The following CNTNAP2 variants were observed in gnomAD, a reference collection of about 807,000 sequenced individuals.
CNTNAP2 encodes contactin associated protein 2.
A neutral mutation model predicts 155.2 loss-of-function variants in CNTNAP2; 98 were observed. The observed-to-expected ratio is 0.63, with a 90% confidence interval of 0.54 to 0.75. The LOEUF (loss-of-function observed/expected upper bound fraction) is 0.75, where lower values mean the gene tolerates loss of function less well. Among genes scored for constraint, CNTNAP2 ranks in the 30% least tolerant of loss-of-function variants. CNTNAP2 has a pLI of 0.00. For synonymous variants in CNTNAP2, 651 were observed against 631.2 expected (o/e 1.03, Z -0.47); for missense variants, 1,727 against 1,688.1 (o/e 1.02, Z -0.40).
chr7:148,134,658 T>C (rs556649863), intron 16 of CNTNAP2, among the ~76,000 whole-genome samples: 78 of 152,304 alleles, frequency 5.1e-4, no homozygotes, highest in African/African-American at 1.7e-3. Flanking sequence ...AATAATATCT[T>C]ATTTTGATAA....
At chr7:147,426,759 T>G (rs905724018) in intron 10 of CNTNAP2, among the ~76,000 whole-genome samples, 3 of 152,178 alleles carry the variant, frequency 2.0e-5, no homozygotes, top group Non-Finnish European at 4.4e-5. Context: ...TTTACCACTA[T>G]GTCTTCAGTG....
chr7:147,272,168 C>G (rs572516332), intron 8 of CNTNAP2, among the ~76,000 whole-genome samples: 2 of 152,278 alleles, frequency 1.3e-5, no homozygotes, highest in African/African-American at 2.4e-5. Context: ...GCTAGAATTA[C>G]AGGCATAGCC....
intron 4 of CNTNAP2, among the ~76,000 whole-genome samples, chr7:147,092,339 A>G (rs571969524): frequency 4.0e-4 from 61 of 152,336 alleles, no homozygotes; most frequent in African/African-American, 1.4e-3. Context: ...GAATTCTGCA[A>G]CTTTGCAATA....
At chr7:147,216,121 C>T (rs1803263376) in intron 8 of CNTNAP2, among the ~76,000 whole-genome samples, 1 of 145,180 alleles carries the variant, frequency 6.9e-6, no homozygotes, top group Non-Finnish European at 1.5e-5. Context: ...GTATTAGTTC[C>T]CAGTCTGTGT....
chr7:147,913,420 G>T (rs576834787), intron 14 of CNTNAP2, among the ~76,000 whole-genome samples: 15 of 152,042 alleles, frequency 9.9e-5, no homozygotes, highest in Non-Finnish European at 2.2e-4. Flanking sequence ...GACAACACTG[G>T]AAATCACTTT....
intron 1 of CNTNAP2, among the ~76,000 whole-genome samples, chr7:146,218,326 G>A (rs1300050749): frequency 1.3e-5 from 2 of 152,070 alleles, no homozygotes; most frequent in African/African-American, 4.8e-5. Context: ...TGGCTAACAC[G>A]GTGAAACCCC....
At chr7:146,474,033 T>C (rs150068550) in intron 1 of CNTNAP2, among the ~76,000 whole-genome samples, 107 of 152,236 alleles carry the variant, frequency 7.0e-4, no homozygotes, top group African/African-American at 2.2e-3. Flanking sequence ...AGTTGGCTAG[T>C]AAAACCCTCT....
intron 8 of CNTNAP2, among the ~76,000 whole-genome samples, chr7:147,166,637 G>A (rs903810565): frequency 5.3e-5 from 8 of 152,104 alleles, no homozygotes; most frequent in African/African-American, 1.9e-4. Flanking sequence ...GGGTGCAGGC[G>A]GGCTGAGTCT....
chr7:146,605,719 T>TA (rs1374758265), intron 1 of CNTNAP2, among the ~76,000 whole-genome samples: 1 of 152,204 alleles, frequency 6.6e-6, no homozygotes, highest in African/African-American at 2.4e-5. Flanking sequence ...GTGGTAGATG[T>TA]AACACATTTT....
intron 1 of CNTNAP2, among the ~76,000 whole-genome samples, chr7:146,296,419 T>C (rs576837161): frequency 2.6e-5 from 4 of 152,266 alleles, no homozygotes; most frequent in Admixed American, 2.6e-4. Context: ...ACCCCTTTCT[T>C]TGCTGCAAAC....
intron 1 of CNTNAP2, among the ~76,000 whole-genome samples, chr7:146,172,942 A>T (rs1392422858): frequency 6.6e-6 from 1 of 152,188 alleles, no homozygotes; most frequent in African/African-American, 2.4e-5. Context: ...GAAGTACTAA[A>T]GCCTGCTTAG....
intron 13 of CNTNAP2, among the ~76,000 whole-genome samples, chr7:147,746,901 C>T (rs1563075005): frequency 6.6e-6 from 1 of 152,092 alleles, no homozygotes; most frequent in Non-Finnish European, 1.5e-5. Context: ...TTAATGATGC[C>T]TTGGGCTTTA....
At position 148,174,573 on chromosome 7, in the gene CNTNAP2, T is replaced by C. The variant is rs569485184; in HGVS notation, c.3010+2095T>C. ...GCAGATGTGGAAAACATCGCTAATA[T>C]TTTGCCAAGTGAATGAAGCAAGGCC... On this transcript the variant is annotated intron_variant, in intron 18 of 23. Coordinates refer to ENST00000361727, the MANE Select transcript of CNTNAP2 (RefSeq NM_014141.6). Among the ~76,000 whole-genome samples, 3 of 152,300 alleles carry C rather than the reference T, an allele frequency of 2.0e-5. No homozygotes were observed. In the East Asian group the frequency reaches 5.8e-4, roughly 29 times the overall value.
At chr7:146,611,088 C>T (rs1799128588) in intron 1 of CNTNAP2, among the ~76,000 whole-genome samples, 1 of 152,094 alleles carries the variant, frequency 6.6e-6, no homozygotes, top group Admixed American at 6.6e-5. Flanking sequence ...ATAAGCAAAG[C>T]CGTTTATGTA....
At chr7:146,764,823 TGAAA>T (rs1365980051) in intron 1 of CNTNAP2, among the ~76,000 whole-genome samples, 2 of 152,096 alleles carry the variant, frequency 1.3e-5, no homozygotes, top group Admixed American at 6.6e-5. Context: ...AAATAGAAAA[TGAAA>T]GAAATCTGAA....
intron 3 of CNTNAP2, among the ~76,000 whole-genome samples, chr7:146,907,832 T>A (rs1796172320): frequency 1.3e-5 from 2 of 151,938 alleles, no homozygotes; most frequent in Admixed American, 1.3e-4. Flanking sequence ...GACTAAATGC[T>A]CTAATTAAAA....
chr7:148,281,746 GA>G (rs1796976309), intron 21 of CNTNAP2, among the ~76,000 whole-genome samples: 1 of 151,306 alleles, frequency 6.6e-6, no homozygotes, highest in African/African-American at 2.4e-5. Context: ...ATAATTTGTT[GA>G]AACTTTGTCA....
chr7:146,846,439 A>C (rs185745060), intron 3 of CNTNAP2, among the ~76,000 whole-genome samples: 1 of 152,282 alleles, frequency 6.6e-6, no homozygotes, highest in Non-Finnish European at 1.5e-5. Context: ...TTTCAGAATA[A>C]GCTCCTTATT....
chr7:147,192,462 A>T (rs1050980192), intron 8 of CNTNAP2, among the ~76,000 whole-genome samples: 1 of 152,142 alleles, frequency 6.6e-6, no homozygotes, highest in Non-Finnish European at 1.5e-5. Flanking sequence ...GGTCCTGGGA[A>T]CTTGTTAAAC....
Sources: allele counts gnomAD v4.1 joint callset (sites outside exome capture counted in the v4.1 genomes callset), GRCh38; gene constraint gnomAD v4.1.1; transcripts MANE v1.5; gene names NCBI Gene and HGNC (gene_info 2026-07-23, HGNC 2026-07-21).